The following HTR4 variants were observed in gnomAD, a reference collection of about 807,000 sequenced individuals.
The protein encoded by HTR4 is 5-hydroxytryptamine (serotonin) receptor 4, G protein-coupled.
Under a neutral mutation model 36.8 loss-of-function variants are expected in HTR4, and 16 were observed. The ratio of observed to expected loss-of-function variants is 0.43; its 90% CI spans 0.29 to 0.66. The LOEUF is 0.66. Among genes scored for constraint, HTR4 ranks in the 30% least tolerant of loss-of-function variants. HTR4 has a pLI of 0.13. For missense variants in HTR4, 438 were observed against 490.9 expected (o/e 0.89, Z 1.02); for synonymous variants, 189 against 185.1 (o/e 1.02, Z -0.17).
At chr5:148,642,169 A>C (rs914035051) in intron 1 of HTR4, among the ~76,000 whole-genome samples, 2 of 152,216 alleles carry the variant, frequency 1.3e-5, no homozygotes, top group Non-Finnish European at 2.9e-5. Context: ...AAGTGTCAGG[A>C]GTAAGTAAAA....
intron 2 of HTR4, among the ~76,000 whole-genome samples, chr5:148,567,621 C>A (rs557111724): frequency 4.6e-5 from 7 of 152,160 alleles, no homozygotes; most frequent in Admixed American, 3.3e-4. Flanking sequence ...ACAAACACCT[C>A]CTCTGTATTT....
intron 5 of HTR4, among the ~76,000 whole-genome samples, chr5:148,510,258 T>C (rs957155799): frequency 7.2e-5 from 11 of 152,126 alleles, no homozygotes; most frequent in Non-Finnish European, 1.2e-4. Context: ...TTGGTTTTCT[T>C]ATAAGCCTAC....
chr5:148,528,472 C>T (rs1006417194), intron 4 of HTR4, among the ~76,000 whole-genome samples: 1 of 151,972 alleles, frequency 6.6e-6, no homozygotes, highest in Non-Finnish European at 1.5e-5. Flanking sequence ...CTGATCTTTG[C>T]TTTCGAGCAA....
intron 2 of HTR4, among the ~76,000 whole-genome samples, chr5:148,610,659 G>A (rs1431705076): frequency 3.9e-5 from 6 of 152,118 alleles, no homozygotes; most frequent in Admixed American, 6.5e-5. Context: ...CACCAGCAAC[G>A]GAACAAAGCT....
At chr5:148,614,600 C>T (rs893572458) in intron 2 of HTR4, among the ~76,000 whole-genome samples, 25 of 152,316 alleles carry the variant, frequency 1.6e-4, no homozygotes, top group African/African-American at 5.8e-4. Context: ...CTAGGCATTA[C>T]CATTCAGGAC....
chr5:148,518,168 C>T (rs183456365), intron 5 of HTR4, among the ~76,000 whole-genome samples: 54 of 152,246 alleles, frequency 3.5e-4, no homozygotes, highest in Admixed American at 1.0e-3. Flanking sequence ...TTACAATCTG[C>T]TATCCGGTTC....
intron 4 of HTR4, among the ~76,000 whole-genome samples, chr5:148,545,759 A>G (rs1483906086): frequency 6.6e-6 from 1 of 152,198 alleles, no homozygotes; most frequent in South Asian, 2.1e-4. Flanking sequence ...GGTGAAGGGA[A>G]GCTGGGGACA....
chr5:148,492,911 T>G (rs976987188), intron 6 of HTR4, among the ~76,000 whole-genome samples: 1 of 152,146 alleles, frequency 6.6e-6, no homozygotes, highest in Non-Finnish European at 1.5e-5. Context: ...AGTGGTCGCC[T>G]TCCACCAAGC....
At chr5:148,600,415 C>T (rs144288039) in intron 2 of HTR4, among the ~76,000 whole-genome samples, 340 of 149,362 alleles carry the variant, frequency 2.3e-3, no homozygotes, top group African/African-American at 7.7e-3. Flanking sequence ...CTTAACTAGG[C>T]TTATTTCAAC....
At chr5:148,465,939 C>T (rs1581341136) in intron 5 of HTR4, 4 of 1,609,846 alleles carry the variant, frequency 2.5e-6, no homozygotes, top group East Asian at 2.2e-5. Flanking sequence ...TTAGTTGAAA[C>T]AGAAAACAGC....
chr5:148,533,159 T>C (rs1490647697), intron 4 of HTR4, among the ~76,000 whole-genome samples: 1 of 152,222 alleles, frequency 6.6e-6, no homozygotes. Flanking sequence ...CAGGAATACA[T>C]GAATCAGCAA....
At chr5:148,502,447 A>G (rs1044409532) in intron 6 of HTR4, among the ~76,000 whole-genome samples, 1 of 152,254 alleles carries the variant, frequency 6.6e-6, no homozygotes, top group Admixed American at 6.5e-5. Context: ...CCTGACTGTT[A>G]GAAGGAAAAC....
At chr5:148,581,628 T>C (rs372956419) in intron 2 of HTR4, among the ~76,000 whole-genome samples, 7 of 152,214 alleles carry the variant, frequency 4.6e-5, no homozygotes, top group African/African-American at 9.6e-5. Flanking sequence ...AGCATCCTTA[T>C]TGAAGATTAA....
At chr5:148,503,794 G>A (rs1757049812) in intron 6 of HTR4, among the ~76,000 whole-genome samples, 1 of 152,096 alleles carries the variant, frequency 6.6e-6, no homozygotes, top group Admixed American at 6.6e-5. Flanking sequence ...AGGGATGGAG[G>A]AAGATCTACC....
At chr5:148,507,379 T>TGGGGGGA (rs1757274740) in intron 6 of HTR4, among the ~76,000 whole-genome samples, 1 of 64,304 alleles carries the variant, frequency 1.6e-5, no homozygotes, top group South Asian at 6.3e-4. Flanking sequence ...TGTCGTGGGG[T>TGGGGGGA]GGGGGGAGGG....
intron 2 of HTR4, among the ~76,000 whole-genome samples, chr5:148,609,781 TG>T (rs1448384810): frequency 2.6e-5 from 4 of 152,088 alleles, no homozygotes; most frequent in African/African-American, 7.2e-5. Context: ...TTAGCCAGGA[TG>T]TTCGCAATCT....
intron 2 of HTR4, among the ~76,000 whole-genome samples, chr5:148,632,477 G>T (rs1268190258): frequency 3.3e-5 from 5 of 152,160 alleles, no homozygotes; most frequent in Non-Finnish European, 7.3e-5. Context: ...AGTGAAGCAA[G>T]AGGATAGAGA....
intron 2 of HTR4, among the ~76,000 whole-genome samples, chr5:148,563,218 C>T (rs1430123459): frequency 1.3e-5 from 2 of 152,184 alleles, no homozygotes; most frequent in Non-Finnish European, 2.9e-5. Context: ...CCACACTGTT[C>T]CCAGATGGTG....
chr5:148,599,574 A>G (rs1265906805), intron 2 of HTR4, among the ~76,000 whole-genome samples: 10 of 152,126 alleles, frequency 6.6e-5, no homozygotes. Context: ...AAAACACTTT[A>G]AGGCAAATAA....
Sources: gnomAD v4.1 joint callset for allele counts (sites outside exome capture counted in the v4.1 genomes callset) on GRCh38, gnomAD v4.1.1 for gene constraint, MANE v1.5 for transcripts, NCBI Gene and HGNC (gene_info 2026-07-23, HGNC 2026-07-21) for gene names.